The following WDR70 variants were observed in gnomAD, a reference collection of about 807,000 sequenced individuals.
The protein encoded by WDR70 is WD repeat-containing protein 70.
A neutral mutation model predicts 88.6 loss-of-function variants in WDR70; 53 were observed. That is an observed-to-expected ratio of 0.60 (90% CI 0.48 to 0.75). The LOEUF (loss-of-function observed/expected upper bound fraction) is 0.75, where lower values mean the gene tolerates loss of function less well. Among genes scored for constraint, WDR70 ranks in the 30% least tolerant of loss-of-function variants. The pLI is 0.00. For missense variants in WDR70, 610 were observed against 823.2 expected (o/e 0.74, Z 3.17); for synonymous variants, 280 against 270.0 (o/e 1.04, Z -0.36).
intron 5 of WDR70, among the ~76,000 whole-genome samples, chr5:37,399,135 G>A (rs1409549208): frequency 1.3e-5 from 2 of 152,158 alleles, no homozygotes; most frequent in Admixed American, 6.5e-5. Context: ...AAAATTAGCC[G>A]GGCATGGTGG....
intron 17 of WDR70, among the ~76,000 whole-genome samples, chr5:37,737,055 A>G (rs1748324760): frequency 6.6e-6 from 1 of 152,162 alleles, no homozygotes; most frequent in Admixed American, 6.6e-5. Context: ...TACCAAATAT[A>G]TTCTACATAC....
At chr5:37,435,409 G>A (rs1052997660) in intron 5 of WDR70, among the ~76,000 whole-genome samples, 5 of 152,154 alleles carry the variant, frequency 3.3e-5, no homozygotes, top group African/African-American at 4.8e-5. Context: ...TGCAAAGAGA[G>A]TAGTGACTCA....
chr5:37,743,651 G>C (rs1357645858), intron 17 of WDR70, among the ~76,000 whole-genome samples: 1 of 152,188 alleles, frequency 6.6e-6, no homozygotes, highest in East Asian at 1.9e-4. Flanking sequence ...GGCTGTGGCA[G>C]TCTGTGGCCA....
At chr5:37,747,011 A>G (rs921006777) in intron 17 of WDR70, among the ~76,000 whole-genome samples, 2 of 152,222 alleles carry the variant, frequency 1.3e-5, no homozygotes, top group Non-Finnish European at 2.9e-5. Flanking sequence ...CATTGATGCA[A>G]AAATCCTCAA....
chr5:37,570,243 C>G (rs1007446060), intron 9 of WDR70, among the ~76,000 whole-genome samples: 2 of 152,040 alleles, frequency 1.3e-5, no homozygotes, highest in African/African-American at 4.8e-5. Context: ...ATAGAGGAAT[C>G]AAGGATGGTG....
intron 10 of WDR70, among the ~76,000 whole-genome samples, chr5:37,633,364 A>G (rs768559263): frequency 1.3e-5 from 2 of 152,128 alleles, no homozygotes; most frequent in Non-Finnish European, 2.9e-5. Flanking sequence ...AATTTATTCT[A>G]TACTATATTT....
intron 13 of WDR70, among the ~76,000 whole-genome samples, chr5:37,717,850 A>G (rs1254888873): frequency 2.0e-5 from 3 of 152,236 alleles, no homozygotes; most frequent in African/African-American, 7.2e-5. Flanking sequence ...AAACACACAC[A>G]ATAAATATTA....
At chr5:37,542,167 AT>A (rs1741840279) in intron 9 of WDR70, among the ~76,000 whole-genome samples, 1 of 152,118 alleles carries the variant, frequency 6.6e-6, no homozygotes, top group Non-Finnish European at 1.5e-5. Context: ...TGATTAGATG[AT>A]TTTACCTATA....
At chr5:37,524,143 C>G (rs988454328) in intron 9 of WDR70, among the ~76,000 whole-genome samples, 2 of 152,166 alleles carry the variant, frequency 1.3e-5, no homozygotes, top group African/African-American at 4.8e-5. Flanking sequence ...CACAAAGATA[C>G]TCCTCGAGAA....
Position 37,695,923 on chromosome 5 carries a change from C to T in WDR70, c.1093-1732C>T, listed in dbSNP as rs957858093. Among the ~76,000 whole-genome samples, 5 of 152,312 alleles carry T rather than the reference C, an allele frequency of 3.3e-5. 1 individual carries two copies. Among genetic ancestry groups the T allele is most frequent in the African/African-American group, 7.2e-5 (3 of 41,568 alleles). On this transcript the variant is annotated intron_variant, in intron 10 of 17. Coordinates refer to ENST00000265107, the MANE Select transcript of WDR70 (RefSeq NM_018034.4). ...AAATACTCTTTCTTGCCCTCACCTCCTGCTCCTGCAACTGCTAACTTCTAC... is the reference window on the plus strand; with the variant it reads ...AAATACTCTTTCTTGCCCTCACCTCTTGCTCCTGCAACTGCTAACTTCTAC...
chr5:37,427,648 G>A (rs1750173094), intron 5 of WDR70, among the ~76,000 whole-genome samples: 1 of 152,118 alleles, frequency 6.6e-6, no homozygotes, highest in Admixed American at 6.5e-5. Flanking sequence ...GGGCGAGGTG[G>A]GTGGATCGCT....
chr5:37,564,644 G>A (rs1307183674), intron 9 of WDR70, among the ~76,000 whole-genome samples: 1 of 151,982 alleles, frequency 6.6e-6, no homozygotes, highest in Non-Finnish European at 1.5e-5. Flanking sequence ...ATGTGGACAA[G>A]TTAGATCTTT....
chr5:37,424,261 G>A (rs1174873854), intron 5 of WDR70, among the ~76,000 whole-genome samples: 2 of 150,156 alleles, frequency 1.3e-5, no homozygotes, highest in African/African-American at 4.9e-5. Flanking sequence ...TCTCTGTGTG[G>A]TTAGCAGTTC....
Position 37,564,127 on chromosome 5 carries a change from G to A in WDR70, c.918-40937G>A, listed in dbSNP as rs533278847. On this transcript the variant is annotated intron_variant, in intron 9 of 17. Coordinates refer to ENST00000265107, the MANE Select transcript of WDR70 (RefSeq NM_018034.4). ...CTCCTCACTTCCCAGACGGGGTGGC[G>A]GCTGGGCAGAGGCTGCAATCTCGGC... Among the ~76,000 whole-genome samples the A allele has an allele frequency of 2.3e-3, 333 of 145,884 alleles. 3 individuals carry two copies. The highest frequency in any genetic ancestry group is 6.7e-3 in the African/African-American group (273 of 40,762).
At chr5:37,557,864 T>C (rs1742337113) in intron 9 of WDR70, among the ~76,000 whole-genome samples, 1 of 7,354 alleles carries the variant, frequency 1.4e-4, no homozygotes, top group Non-Finnish European at 2.9e-4. Context: ...TATTTTGTAT[T>C]GTATGAGCAT....
chr5:37,400,185 C>T (rs55897015), intron 5 of WDR70, among the ~76,000 whole-genome samples: 3,869 of 152,250 alleles, frequency 0.025, 152 homozygotes, highest in African/African-American at 0.088. Flanking sequence ...CCACCTGCCT[C>T]GGCCTCCCAA....
intron 7 of WDR70, among the ~76,000 whole-genome samples, chr5:37,457,298 G>A (rs1435443579): frequency 6.6e-6 from 1 of 152,156 alleles, no homozygotes; most frequent in East Asian, 1.9e-4. Context: ...GTTTCACCAT[G>A]TTGGCCAGGC....
At chr5:37,486,579 A>G (rs1210326381) in intron 8 of WDR70, among the ~76,000 whole-genome samples, 1 of 152,066 alleles carries the variant, frequency 6.6e-6, no homozygotes, top group Non-Finnish European at 1.5e-5. Flanking sequence ...TCCTGACCTC[A>G]TGTGATCCGC....
intron 8 of WDR70, among the ~76,000 whole-genome samples, chr5:37,489,248 G>A (rs1739989167): frequency 6.6e-6 from 1 of 152,214 alleles, no homozygotes; most frequent in Non-Finnish European, 1.5e-5. Context: ...GTGTTAGTAG[G>A]TTCAGACAGG....
Sources: gnomAD v4.1 joint callset for allele counts (sites outside exome capture counted in the v4.1 genomes callset) on GRCh38, gnomAD v4.1.1 for gene constraint, MANE v1.5 for transcripts, NCBI Gene and HGNC (gene_info 2026-07-23, HGNC 2026-07-21) for gene names.